Variants in UBE4B observed in about 807,000 individuals in gnomAD.
UBE4B encodes the protein ubiquitination factor E4B.
A neutral mutation model predicts 148.1 loss-of-function variants in UBE4B; 27 were observed. The ratio of observed to expected loss-of-function variants is 0.18; its 90% CI spans 0.13 to 0.25. UBE4B has a LOEUF of 0.25. Ranked by LOEUF, UBE4B falls within the 10% of genes least tolerant of loss-of-function variation. The pLI, the probability that UBE4B is intolerant of heterozygous loss-of-function variation, is 1.00. For missense variants in UBE4B, 1,170 were observed against 1,662.4 expected, an observed-to-expected ratio of 0.70 and a Z score of 5.15; for synonymous variants, 596 against 619.3, an observed-to-expected ratio of 0.96 and a Z score of 0.56.
chr1:10,066,979 C>T (rs1411273020), intron 1 of UBE4B, among the ~76,000 whole-genome samples: 1 of 151,966 alleles, frequency 6.6e-6, no homozygotes, highest in Non-Finnish European at 1.5e-5. Flanking sequence ...AAAGTATTTC[C>T]AATTATTTTT....
Position 10,091,723 on chromosome 1 carries a change from A to G in UBE4B, c.212-3738A>G, listed in dbSNP as rs150088068. 9.9e-3 allele frequency among the ~76,000 whole-genome samples: 1,500 copies of G among 152,224 alleles called. 27 individuals are homozygous for G. The highest frequency in any genetic ancestry group is 0.034 in the African/African-American group (1,410 of 41,534). On this transcript the variant is annotated intron_variant, in intron 2 of 27. Coordinates refer to ENST00000343090, the MANE Select transcript of UBE4B (RefSeq NM_001105562.3). ...TGGGTTCAAACGATTCTTCTGACTC[A>G]GCCTCCCTAGTAGCTGGGATTACAG...
chr1:10,071,204 C>T (rs1438788594), intron 1 of UBE4B, among the ~76,000 whole-genome samples: 3 of 152,152 alleles, frequency 2.0e-5, no homozygotes, highest in Non-Finnish European at 4.4e-5. Flanking sequence ...CACACCTGGC[C>T]AATTGGCTAT....
intron 21 of UBE4B, among the ~76,000 whole-genome samples, chr1:10,153,752 A>G (rs1646019386): frequency 6.6e-6 from 1 of 151,998 alleles, no homozygotes; most frequent in Non-Finnish European, 1.5e-5. Flanking sequence ...GATCGAGATG[A>G]GCCTCGCCAA....
At chr1:10,078,347 G>A (rs1644619117) in intron 2 of UBE4B, among the ~76,000 whole-genome samples, 1 of 152,100 alleles carries the variant, frequency 6.6e-6, no homozygotes, top group Admixed American at 6.6e-5. Context: ...AGGGCTTACT[G>A]CAGGTCAGAC....
intron 17 of UBE4B, among the ~76,000 whole-genome samples, 196 bp from the exon 18 acceptor site, chr1:10,144,744 A>AAG (rs1350621614): frequency 6.6e-6 from 1 of 151,514 alleles, no homozygotes; most frequent in Non-Finnish European, 1.5e-5. Context: ...AAAAAAAAAA[A>AAG]AAAAAGAAAG....
intron 2 of UBE4B, among the ~76,000 whole-genome samples, chr1:10,077,349 C>T (rs774572275): frequency 1.3e-5 from 2 of 152,184 alleles, no homozygotes; most frequent in Non-Finnish European, 2.9e-5. Context: ...CCAAATTTCC[C>T]TCTTATGACA....
At chr1:10,037,362 T>C (rs1643581251) in intron 1 of UBE4B, among the ~76,000 whole-genome samples, 1 of 152,030 alleles carries the variant, frequency 6.6e-6, no homozygotes, top group Non-Finnish European at 1.5e-5. Context: ...TTAACTTCAC[T>C]GTTGTTTGTT....
At chr1:10,107,966 C>G (rs1401878351) in intron 7 of UBE4B, among the ~76,000 whole-genome samples, 2 of 152,158 alleles carry the variant, frequency 1.3e-5, no homozygotes, top group African/African-American at 4.8e-5. Flanking sequence ...GATTAAAGAT[C>G]AGTCATCAAG....
chr1:10,178,955 A>AAG, intron 26 of UBE4B, 137 bp downstream of exon 26: 1 of 926,936 alleles, frequency 1.1e-6, no homozygotes, highest in South Asian at 2.5e-5. Context: ...GTCTTAAATT[A>AAG]CATTTGCCTA....
At chr1:10,079,430 G>A (rs1191140591) in intron 2 of UBE4B, among the ~76,000 whole-genome samples, 1 of 152,112 alleles carries the variant, frequency 6.6e-6, no homozygotes, top group Admixed American at 6.6e-5. Context: ...AAAGTGCTGG[G>A]ATTACAGGTG....
At chr1:10,109,007 C>G (rs1216433437) in intron 7 of UBE4B, among the ~76,000 whole-genome samples, 1 of 152,162 alleles carries the variant, frequency 6.6e-6, no homozygotes, top group East Asian at 1.9e-4. Context: ...TAATACCTCT[C>G]TTTCTGGACT....
intron 2 of UBE4B, among the ~76,000 whole-genome samples, chr1:10,076,759 T>G (rs1393858773): frequency 2.7e-5 from 4 of 148,964 alleles, no homozygotes; most frequent in Non-Finnish European, 6.0e-5. Context: ...TTTTTTTTTT[T>G]TTTTGAGATG....
At position 10,168,162 on chromosome 1, in the gene UBE4B, G is replaced by T. The variant is rs147961171; in HGVS notation, c.3225G>T (p.Gln1075His). 2 of 1,614,016 alleles carry T rather than the reference G, an allele frequency of 1.2e-6. No individual in the cohort carries two copies. The highest frequency in any genetic ancestry group is 1.7e-5 in the Admixed American group (1 of 59,994). ...ATCAGCAGCAGGCTCGTCAGTCTCA[G>T]CTTGCTCAGGATGAGCGTGTGTCCC... ...PRDQQQARQS[Q>H]LAQDERVSRS... The change falls in exon 24 of 28, where the codon CAG (glutamine) becomes CAT (histidine). Residue 1075 changes from glutamine (Q) to histidine (H), a missense_variant. By Grantham distance (24) the Gln-to-His change is conservative. Around this residue, in one of 6 missense-constraint regions of UBE4B, gnomAD observed 348 missense variants for 627.2 expected, o/e 0.55. Transcript: ENST00000343090. The surrounding 1 kb of genome is among the most constrained non-coding windows in gnomAD (Gnocchi z 4.9).
intron 21 of UBE4B, among the ~76,000 whole-genome samples, chr1:10,157,754 C>T (rs1055545206): frequency 2.6e-5 from 4 of 151,932 alleles, no homozygotes; most frequent in African/African-American, 4.8e-5. Context: ...TCCAGCCTGG[C>T]GACAGAGCGG....
intron 25 of UBE4B, among the ~76,000 whole-genome samples, chr1:10,173,262 A>G (rs1296171862): frequency 6.6e-6 from 1 of 152,074 alleles, no homozygotes; most frequent in South Asian, 2.1e-4. Flanking sequence ...GTGGATCACA[A>G]GGTCAGGAGA....
intron 7 of UBE4B, among the ~76,000 whole-genome samples, chr1:10,108,735 A>T (rs148602577): frequency 1.3e-5 from 2 of 152,334 alleles, no homozygotes; most frequent in East Asian, 1.9e-4. Flanking sequence ...AGGAAGGTTG[A>T]TATTTGTATT....
Position 10,106,825 on chromosome 1 carries a change from T to C in UBE4B, c.1196+242T>C. Among the ~76,000 whole-genome samples, 1 of 152,048 alleles carries C rather than the reference T, an allele frequency of 6.6e-6. No homozygotes were observed. Among genetic ancestry groups the C allele is most frequent in the East Asian group, 1.9e-4 (1 of 5,184 alleles). On this transcript the variant is annotated intron_variant, in intron 7 of 27. Transcript: ENST00000343090. The surrounding 1 kb of genome is among the most constrained non-coding windows in gnomAD (Gnocchi z 4.2). ...TGAATCCCTTTCTTCCCTTTGAGAG[T>C]TGGGGCACACAGGAACCCTTTTTGG... is the stretch of plus-strand genomic sequence containing the variant.
chr1:10,072,035 G>A lies in UBE4B; in HGVS notation c.32G>A (p.Arg11Gln). 1.3e-6 allele frequency: 2 copies of A among 1,581,668 alleles called. No homozygotes were observed. The highest frequency in any genetic ancestry group is 1.1e-5 in the South Asian group (1 of 87,182). MEELSADEIR[R>Q]RRLARLAGGQ... is the part of the protein sequence containing the mutation. Reference sequence around the variant, plus strand: ...TTTCCCCTCATGTTGTAGATTCGACGGAGGCGCCTTGCACGACTTGCTGGT... The same window carrying A: ...TTTCCCCTCATGTTGTAGATTCGACAGAGGCGCCTTGCACGACTTGCTGGT... The change falls in exon 2 of 28, where the codon CGG (arginine) becomes CAG (glutamine). Residue 11 changes from arginine (R) to glutamine (Q), a missense_variant. This residue lies in a region of UBE4B where 127 missense variants were observed against 153.2 expected (regional missense o/e 0.83). Coordinates refer to ENST00000343090, the MANE Select transcript of UBE4B (RefSeq NM_001105562.3).
At chr1:10,066,868 C>T (rs955173566) in intron 1 of UBE4B, among the ~76,000 whole-genome samples, 20 of 151,898 alleles carry the variant, frequency 1.3e-4, no homozygotes, top group African/African-American at 4.4e-4. Flanking sequence ...ATCACGCTAC[C>T]GCACTCCAAC....
Sources: gnomAD v4.1 joint callset for allele counts (sites outside exome capture counted in the v4.1 genomes callset) on GRCh38, gnomAD v4.1.1 for gene constraint, gnomAD v4.1.1 regional missense constraint, Gnocchi (gnomAD v3.1) non-coding constraint, MANE v1.5 for transcripts, NCBI Gene and HGNC (gene_info 2026-07-23, HGNC 2026-07-21) for gene names.